The following GPR39 variants were observed in gnomAD, a reference collection of about 807,000 sequenced individuals.
The protein encoded by GPR39 is zinc sensing receptor.
In GPR39, 23 loss-of-function variants were observed where a neutral mutation model predicts 18.4. The observed-to-expected ratio is 1.25, with a 90% CI of 0.90 to 1.77. The LOEUF (loss-of-function observed/expected upper bound fraction) is 1.77. GPR39 is among the 40% of genes most tolerant of loss of function. GPR39 has a pLI of 0.00. For missense variants in GPR39, 647 were observed against 602.4 expected, an observed-to-expected ratio of 1.07 and a Z score of -0.78; for synonymous variants, 280 against 257.9, an observed-to-expected ratio of 1.09 and a Z score of -0.82.
intron 1 of GPR39, among the ~76,000 whole-genome samples, chr2:132,493,731 A>T (rs1038634057): frequency 6.6e-6 from 1 of 151,906 alleles, no homozygotes; most frequent in Non-Finnish European, 1.5e-5. Context: ...CCTGCAACTC[A>T]TCCACTTAGG....
intron 1 of GPR39, among the ~76,000 whole-genome samples, chr2:132,529,252 A>G (rs776144169): frequency 4.6e-5 from 7 of 152,198 alleles, no homozygotes; most frequent in African/African-American, 7.2e-5. Flanking sequence ...AGCCTCGCTC[A>G]TTGCTAGCAC....
chr2:132,423,758 A>C (rs16831474), intron 1 of GPR39, among the ~76,000 whole-genome samples: 2,827 of 152,264 alleles, frequency 0.019, 73 homozygotes, highest in African/African-American at 0.064. Flanking sequence ...TTAATTGTGC[A>C]ATTACTCGAC....
At position 132,645,122 on chromosome 2, in the gene GPR39, C is replaced by A; in HGVS notation, c.878C>A (p.Ala293Asp). The A allele has an allele frequency of 6.2e-7, 1 of 1,613,148 alleles. No individual in the cohort carries two copies. The highest frequency in any genetic ancestry group is 8.5e-7 in the Non-Finnish European group (1 of 1,179,542). ...CCAGGGCTGATTGTTGTGACATTGG[C>A]CGTATGCTGGATGCCCAACCAGATT... ...IFLRLIVVTLAVCWMPNQIRR... is the reference protein window; with the variant it reads ...IFLRLIVVTLDVCWMPNQIRR... Residue 293 changes from alanine (A) to aspartate (D), a missense_variant, in exon 2 of 2, where the codon GCC becomes GAC. Physicochemically the swap from Ala to Asp is moderately radical, Grantham distance 126. Transcript: ENST00000329321.
At chr2:132,515,416 A>C (rs1315456551) in intron 1 of GPR39, among the ~76,000 whole-genome samples, 2 of 152,232 alleles carry the variant, frequency 1.3e-5, no homozygotes, top group Non-Finnish European at 2.9e-5. Context: ...TATACATTCA[A>C]TAAATAAATA....
intron 1 of GPR39, among the ~76,000 whole-genome samples, chr2:132,568,095 T>C (rs750667028): frequency 3.9e-5 from 6 of 152,060 alleles, no homozygotes; most frequent in Non-Finnish European, 7.3e-5. Context: ...TCCCATATGA[T>C]TAAAATGTGC....
chr2:132,538,645 C>T (rs900358122), intron 1 of GPR39, among the ~76,000 whole-genome samples: 3 of 152,198 alleles, frequency 2.0e-5, no homozygotes, highest in African/African-American at 4.8e-5. Flanking sequence ...AAGATTAAGT[C>T]CTTTGAAGCT....
chr2:132,521,620 G>C (rs1330228317), intron 1 of GPR39, among the ~76,000 whole-genome samples: 2 of 152,148 alleles, frequency 1.3e-5, no homozygotes, highest in Non-Finnish European at 2.9e-5. Flanking sequence ...AAGAGGTAAG[G>C]TATCTCTGGT....
chr2:132,646,079 A>G lies in GPR39; in HGVS notation c.*473A>G, dbSNP rs1376815851. On this transcript the variant is annotated 3_prime_UTR_variant, in exon 2 of 2. Transcript: ENST00000329321. The stretch of plus-strand genomic sequence containing the variant: ...TGCCGAGAAGAGGGCTAATTTGAGG[A>G]ACAGGATGGTGGTGCGGAGCCCTGG... 2 of 1,598,678 alleles carry G rather than the reference A, an allele frequency of 1.3e-6. No individual in the cohort carries two copies. The highest frequency in any genetic ancestry group is 1.7e-6 in the Non-Finnish European group (2 of 1,171,436).
chr2:132,445,008 T>C (rs1680508848), intron 1 of GPR39, among the ~76,000 whole-genome samples: 1 of 152,232 alleles, frequency 6.6e-6, no homozygotes, highest in Admixed American at 6.5e-5. Flanking sequence ...GTTTATCAAA[T>C]GGCTTCAGCT....
In GPR39 at chr2:132,416,808, T is replaced by G. The variant is rs780259344; in HGVS notation, c.-235T>G. 3.4e-6 allele frequency: 2 copies of G among 596,854 alleles called. No individual in the cohort carries two copies. The highest frequency in any genetic ancestry group is 3.0e-5 in the Admixed American group (1 of 33,604). 37.0% of individuals were successfully genotyped at this position (596,854 alleles called of 1,614,324 possible). A position where few individuals can be genotyped will look rare whatever the true frequency, so the allele number is the denominator to read the frequency against. On this transcript the variant is annotated 5_prime_UTR_variant, in exon 1 of 2. Transcript: ENST00000329321. ...CTCTCCCCGCCTCGCCCCAGCCACA[T>G]ACACTCCCAAACCTCAACACCCAGG...
chr2:132,484,813 G>C (rs1681299911), intron 1 of GPR39, among the ~76,000 whole-genome samples: 1 of 152,210 alleles, frequency 6.6e-6, no homozygotes, highest in African/African-American at 2.4e-5. Context: ...ACACTGTTTA[G>C]ATGGTCTGGA....
chr2:132,520,419 G>A (rs1383031451), intron 1 of GPR39, among the ~76,000 whole-genome samples: 2 of 152,198 alleles, frequency 1.3e-5, no homozygotes, highest in African/African-American at 4.8e-5. Context: ...ATGTCTGCTG[G>A]TGGACTGGCC....
At chr2:132,434,368 G>T (rs1384369733) in intron 1 of GPR39, among the ~76,000 whole-genome samples, 1 of 152,182 alleles carries the variant, frequency 6.6e-6, no homozygotes, top group Non-Finnish European at 1.5e-5. Flanking sequence ...AGAAGGCCTG[G>T]ACAATAAGAA....
intron 1 of GPR39, among the ~76,000 whole-genome samples, chr2:132,424,434 C>A (rs1299774225): frequency 6.6e-6 from 1 of 152,162 alleles, no homozygotes; most frequent in African/African-American, 2.4e-5. Context: ...TAGGAATAAG[C>A]AGCTACTGCC....
At chr2:132,502,176 G>T (rs1009598404) in intron 1 of GPR39, among the ~76,000 whole-genome samples, 2 of 152,136 alleles carry the variant, frequency 1.3e-5, no homozygotes, top group Non-Finnish European at 2.9e-5. Flanking sequence ...TAGGTCCTGT[G>T]AGAATTATGC....
chr2:132,419,260 T>C, intron 1 of GPR39, among the ~76,000 whole-genome samples: 1 of 152,226 alleles, frequency 6.6e-6, no homozygotes, highest in East Asian at 1.9e-4. Flanking sequence ...GATGCTACTC[T>C]GCATTAGGGG....
chr2:132,515,871 CTGAT>C (rs1295914828), intron 1 of GPR39, among the ~76,000 whole-genome samples: 1 of 152,144 alleles, frequency 6.6e-6, no homozygotes, highest in African/African-American at 2.4e-5. Flanking sequence ...CTTTTGTCCT[CTGAT>C]TGTATTTCTG....
intron 1 of GPR39, among the ~76,000 whole-genome samples, chr2:132,482,484 C>T (rs1159567352): frequency 6.6e-6 from 1 of 152,134 alleles, no homozygotes; most frequent in Non-Finnish European, 1.5e-5. Flanking sequence ...GGCACAGGTA[C>T]ATGGTGGCTA....
At chr2:132,638,077 G>A (rs976736033) in intron 1 of GPR39, among the ~76,000 whole-genome samples, 10 of 151,274 alleles carry the variant, frequency 6.6e-5, no homozygotes, top group Middle Eastern at 3.4e-3. Context: ...AGAAATGGAA[G>A]CAAAAAAGGA....
Sources: gnomAD v4.1 joint callset for allele counts (sites outside exome capture counted in the v4.1 genomes callset) on GRCh38, gnomAD v4.1.1 for gene constraint, MANE v1.5 for transcripts, NCBI Gene and HGNC (gene_info 2026-07-23, HGNC 2026-07-21) for gene names.